Variants in GREB1L observed in about 807,000 individuals in gnomAD.
GREB1L encodes GREB1-like protein.
GREB1L carries 17 observed loss-of-function variants against 200.8 expected under a neutral mutation model. The observed-to-expected ratio is 0.08, with a 90% CI of 0.06 to 0.13. The LOEUF is 0.13. Among genes scored for constraint, GREB1L ranks in the 10% least tolerant of loss-of-function variants. GREB1L has a pLI of 1.00. For missense variants in GREB1L, 1,657 were observed against 2,367.7 expected, an observed-to-expected ratio of 0.70 and a Z score of 6.23; for synonymous variants, 789 against 893.0, an observed-to-expected ratio of 0.88 and a Z score of 2.08.
In GREB1L at chr18:21,394,512, A is replaced by G. The variant is rs192486564; in HGVS notation, c.356-873A>G. 2.2e-4 allele frequency among the ~76,000 whole-genome samples: 34 copies of G among 152,308 alleles called. No homozygotes were observed. The East Asian group carries it at 5.4e-3, about 24-fold the overall frequency. On this transcript the variant is annotated intron_variant, in intron 4 of 32. Coordinates refer to ENST00000424526, the MANE Select transcript of GREB1L (RefSeq NM_001142966.3). ...TCTGTTGCAAATGTTTGTTTAATAA[A>G]CAATGAACAGATGAATTCATATAAT...
chr18:21,454,347 ACTTCT>A lies in GREB1L; in HGVS notation c.1985-15_1985-11del. 1.3e-6 allele frequency: 2 copies of A among 1,519,166 alleles called. No individual in the cohort carries two copies. The highest frequency in any genetic ancestry group is 1.8e-6 in the Non-Finnish European group (2 of 1,118,118). The allele number at this position is 1,519,166 out of a possible 1,614,324, so 94.1% of individuals were successfully genotyped here. A position where few individuals can be genotyped will look rare whatever the true frequency, so the allele number is the denominator to read the frequency against. ...GAAGTAAATTAACCTTGTTCTTATG[ACTTCT>A]CTTTAAATTTTAGATTTAGATAATG... On this transcript the variant is annotated splice_polypyrimidine_tract_variant and intron_variant, in intron 14 of 32. Coordinates refer to ENST00000424526, the MANE Select transcript of GREB1L (RefSeq NM_001142966.3).
intron 19 of GREB1L, among the ~76,000 whole-genome samples, chr18:21,491,712 C>CAA (rs35381989): frequency 1.2e-3 from 146 of 123,948 alleles, no homozygotes; most frequent in African/African-American, 2.6e-3. Context: ...GACTCTGTCT[C>CAA]AAAAAAAAAA....
chr18:21,319,246 A>C (rs2038916383), intron 1 of GREB1L, among the ~76,000 whole-genome samples: 1 of 152,236 alleles, frequency 6.6e-6, no homozygotes, highest in Admixed American at 6.5e-5. Flanking sequence ...ATTCAAAATC[A>C]TACAGAGAAG....
At chr18:21,303,901 G>A (rs2038658371) in intron 1 of GREB1L, among the ~76,000 whole-genome samples, 1 of 152,148 alleles carries the variant, frequency 6.6e-6, no homozygotes, top group South Asian at 2.1e-4. Context: ...GTAAACGAGG[G>A]TCAATCAGAA....
chr18:21,283,003 T>G (rs1384103804), intron 1 of GREB1L, among the ~76,000 whole-genome samples: 1 of 152,230 alleles, frequency 6.6e-6, no homozygotes, highest in Non-Finnish European at 1.5e-5. Context: ...GTTTCAAAAT[T>G]TCTACTGCCA....
intron 15 of GREB1L, among the ~76,000 whole-genome samples, chr18:21,457,060 C>G (rs2034800070): frequency 1.3e-5 from 2 of 152,200 alleles, no homozygotes; most frequent in South Asian, 2.1e-4. Context: ...TCTGCAGAGC[C>G]TTTTCCTGAA....
chr18:21,264,077 A>G (rs552087507), intron 1 of GREB1L, among the ~76,000 whole-genome samples: 1 of 152,326 alleles, frequency 6.6e-6, no homozygotes, highest in East Asian at 1.9e-4. Flanking sequence ...GCATCTGATC[A>G]AAATAAACTG....
At chr18:21,293,204 G>A (rs1357876701) in intron 1 of GREB1L, among the ~76,000 whole-genome samples, 1 of 152,170 alleles carries the variant, frequency 6.6e-6, no homozygotes, top group African/African-American at 2.4e-5. Flanking sequence ...GGCCTTGTCT[G>A]TGCATGTAAG....
In GREB1L at chr18:21,480,180, A is replaced by G. The variant is rs530363856; in HGVS notation, c.2556+2824A>G. ...AACCTGGCCAATGTGGTGAAACCCC[A>G]TCTCTACTAAAAATACAAAAATTAG... is the stretch of plus-strand genomic sequence containing the variant. On this transcript the variant is annotated intron_variant, in intron 17 of 32. Coordinates refer to ENST00000424526, the MANE Select transcript of GREB1L (RefSeq NM_001142966.3). Among the ~76,000 whole-genome samples, 12 of 152,270 alleles carry G rather than the reference A, an allele frequency of 7.9e-5. No homozygotes were observed. In the East Asian group the frequency reaches 1.9e-3, roughly 24 times the overall value.
chr18:21,388,999 G>T (rs557847855), intron 4 of GREB1L, among the ~76,000 whole-genome samples: 1 of 152,064 alleles, frequency 6.6e-6, no homozygotes, highest in South Asian at 2.1e-4. Flanking sequence ...TGGCTGAGGG[G>T]CTGAAGGAGT....
intron 1 of GREB1L, among the ~76,000 whole-genome samples, chr18:21,322,250 A>G (rs931705875): frequency 3.3e-5 from 5 of 152,206 alleles, no homozygotes; most frequent in Admixed American, 6.5e-5. Context: ...GGAAAAAAAC[A>G]AAAAAGCTGG....
intron 17 of GREB1L, among the ~76,000 whole-genome samples, chr18:21,479,691 A>G (rs535141124): frequency 2.6e-4 from 40 of 152,222 alleles, no homozygotes; most frequent in African/African-American, 9.6e-4. Flanking sequence ...AAAAAAAAAA[A>G]AATCATTTTA....
At chr18:21,332,633 C>A (rs867999495) in intron 1 of GREB1L, among the ~76,000 whole-genome samples, 18 of 152,200 alleles carry the variant, frequency 1.2e-4, no homozygotes, top group South Asian at 4.1e-4. Flanking sequence ...TATCACCATG[C>A]CCAGCTAATT....
intron 1 of GREB1L, among the ~76,000 whole-genome samples, chr18:21,322,693 A>G (rs989818862): frequency 2.0e-5 from 3 of 152,180 alleles, no homozygotes; most frequent in African/African-American, 7.2e-5. Context: ...TAAATATAAC[A>G]GTGAACTAAT....
chr18:21,260,606 T>C (rs1249377661), intron 1 of GREB1L, among the ~76,000 whole-genome samples: 1 of 152,006 alleles, frequency 6.6e-6, no homozygotes, highest in Non-Finnish European at 1.5e-5. Context: ...GTAATTCTGT[T>C]TTGTCTTAGG....
intron 7 of GREB1L, among the ~76,000 whole-genome samples, chr18:21,408,965 A>C (rs1462540308): frequency 2.0e-5 from 3 of 152,182 alleles, no homozygotes; most frequent in Non-Finnish European, 4.4e-5. Flanking sequence ...ACAGTTTGGC[A>C]ATTTCTCAAA....
Position 21,403,999 on chromosome 18 carries a change from G to T in GREB1L, c.832+5G>T. The T allele has an allele frequency of 6.5e-7, 1 of 1,550,234 alleles. No homozygotes were observed. Among genetic ancestry groups the T allele is most frequent in the South Asian group, 1.2e-5 (1 of 83,904 alleles). On this transcript the variant is annotated splice_donor_5th_base_variant and intron_variant, in intron 7 of 32. Transcript: ENST00000424526. ...AATCAGGATTCACTCAGACAGGTAT[G>T]GGATATTTTCTTTTGGCATTTCAAG...
intron 1 of GREB1L, among the ~76,000 whole-genome samples, chr18:21,268,101 C>A (rs2038001933): frequency 6.6e-6 from 1 of 152,136 alleles, no homozygotes; most frequent in African/African-American, 2.4e-5. Context: ...ATATGAATTA[C>A]AGGAAAGTTC....
At chr18:21,475,712 A>G (rs916470390) in intron 16 of GREB1L, among the ~76,000 whole-genome samples, 1 of 151,816 alleles carries the variant, frequency 6.6e-6, no homozygotes, top group African/African-American at 2.4e-5. Context: ...CACACCTATA[A>G]TCCCAGCACT....
Sources: allele counts gnomAD v4.1 joint callset (sites outside exome capture counted in the v4.1 genomes callset), GRCh38; gene constraint gnomAD v4.1.1; transcripts MANE v1.5; gene names NCBI Gene and HGNC (gene_info 2026-07-23, HGNC 2026-07-21).